TSTD2: variants seen among roughly 807,000 people sequenced by gnomAD.
TSTD2 encodes the protein thiosulfate sulfurtransferase/rhodanese-like domain-containing protein 2.
In TSTD2, 37 loss-of-function variants were observed where a neutral mutation model predicts 47.9. That is an observed-to-expected ratio of 0.77 (90% CI 0.59 to 1.02). The LOEUF (loss-of-function observed/expected upper bound fraction) is 1.02, where lower values mean the gene tolerates loss of function less well. Among genes scored for constraint, TSTD2 ranks in the 50% least tolerant of loss-of-function variants. The pLI, the probability that TSTD2 is intolerant of heterozygous loss-of-function variation, is 0.00. For synonymous variants in TSTD2, 201 were observed against 215.9 expected (o/e 0.93, Z 0.61); for missense variants, 586 against 616.0 (o/e 0.95, Z 0.52).
intron 3 of TSTD2, among the ~76,000 whole-genome samples, chr9:97,618,752 C>T (rs2805777): frequency 0.57 from 85,896 of 152,012 alleles, 25,438 homozygotes; most frequent in Middle Eastern, 0.68. Flanking sequence ...CTACAGTACA[C>T]GACAATTAAG....
intron 4 of TSTD2, among the ~76,000 whole-genome samples, chr9:97,613,265 C>T (rs1027117810): frequency 6.6e-6 from 1 of 152,186 alleles, no homozygotes; most frequent in African/African-American, 2.4e-5. Flanking sequence ...GCATGTATCT[C>T]TGCATGGTGT....
At chr9:97,618,522 T>C (rs912066000) in intron 3 of TSTD2, among the ~76,000 whole-genome samples, 3 of 152,218 alleles carry the variant, frequency 2.0e-5, no homozygotes, top group Non-Finnish European at 4.4e-5. Context: ...TTTTCCAAAG[T>C]ATGTTATGAA....
At chr9:97,602,986 C>A in intron 9 of TSTD2, 1 of 474,188 alleles carries the variant, frequency 2.1e-6, no homozygotes. Context: ...TGTCTGCTTC[C>A]AGTATTTACT....
chr9:97,612,365 A>G (rs1294698658), intron 4 of TSTD2, among the ~76,000 whole-genome samples: 1 of 152,194 alleles, frequency 6.6e-6, no homozygotes, highest in Non-Finnish European at 1.5e-5. Context: ...CATACCCAGT[A>G]ATGGGATTGC....
intron 1 of TSTD2, among the ~76,000 whole-genome samples, chr9:97,630,482 TAAACAAAC>T (rs140932255): frequency 1.0e-4 from 13 of 126,544 alleles, no homozygotes; most frequent in South Asian, 2.1e-4. Flanking sequence ...AAGTAAGTAA[TAAACAAAC>T]AAACAAACAA....
At chr9:97,620,592 G>A (rs541190193) in intron 3 of TSTD2, among the ~76,000 whole-genome samples, 2 of 152,294 alleles carry the variant, frequency 1.3e-5, no homozygotes, top group East Asian at 3.9e-4. Flanking sequence ...CTTGTTGAAT[G>A]GCTTTGACCA....
chr9:97,627,401 T>G lies in TSTD2; in HGVS notation c.162A>C (p.Lys54Asn). 6.3e-7 allele frequency: 1 copy of G among 1,596,336 alleles called. No individual in the cohort carries two copies. Among genetic ancestry groups the G allele is most frequent in the South Asian group, 1.1e-5 (1 of 89,240 alleles). Reference protein sequence around the residue: ...STKKKYSFAKKKAFALFVKTK... With the variant: ...STKKKYSFAKNKAFALFVKTK... ...GAAACATTCATAAGAATTCTACCTT[T>G]TTCTTTGCAAACGAGTATTTCTTTT... Residue 54 changes from lysine (K) to asparagine (N), a missense_variant, in exon 2 of 10, where the codon AAA becomes AAC. Coordinates refer to ENST00000341170, the MANE Select transcript of TSTD2 (RefSeq NM_139246.5).
At chr9:97,624,716 G>A (rs1826692742) in intron 3 of TSTD2, among the ~76,000 whole-genome samples, 1 of 151,554 alleles carries the variant, frequency 6.6e-6, no homozygotes, top group African/African-American at 2.4e-5. Flanking sequence ...TTAAAGAAGA[G>A]TCTAATGCAG....
At position 97,610,409 on chromosome 9, in the gene TSTD2, C is replaced by T; in HGVS notation, c.772G>A (p.Gly258Ser). 1 of 1,593,176 alleles carries T rather than the reference C, an allele frequency of 6.3e-7. No individual in the cohort carries two copies. Among genetic ancestry groups the T allele is most frequent in the Non-Finnish European group, 8.5e-7 (1 of 1,171,468 alleles). Residue 258 changes from glycine to serine, a missense_variant, in exon 6 of 10, where the codon GGT (glycine) becomes AGT (serine). Physicochemically the swap from Gly to Ser is moderately conservative, Grantham distance 56. Coordinates refer to ENST00000341170, the MANE Select transcript of TSTD2 (RefSeq NM_139246.5). ...ATGGGCACGATTTCTTCAAATACAC[C>T]AACACGCAATTCTGGAAAACAGTGA... ...GAHCFPELRV[G>S]VFEEIVPMGI...
At chr9:97,615,860 ATTAT>A (rs933859351) in intron 4 of TSTD2, among the ~76,000 whole-genome samples, 2 of 152,132 alleles carry the variant, frequency 1.3e-5, no homozygotes, top group African/African-American at 4.8e-5. Context: ...AGTATTAAAT[ATTAT>A]TTATTTATTT....
intron 8 of TSTD2, among the ~76,000 whole-genome samples, chr9:97,605,099 G>A (rs1564005742): frequency 6.6e-6 from 1 of 152,120 alleles, no homozygotes; most frequent in African/African-American, 2.4e-5. Flanking sequence ...AGCAGGCAGG[G>A]CCTTCACCCT....
chr9:97,613,408 A>C (rs979639956), intron 4 of TSTD2, among the ~76,000 whole-genome samples: 1 of 152,206 alleles, frequency 6.6e-6, no homozygotes, highest in Non-Finnish European at 1.5e-5. Flanking sequence ...CGATTTGTTG[A>C]ATAAATGAAT....
chr9:97,619,733 C>T (rs1826600691), intron 3 of TSTD2, among the ~76,000 whole-genome samples: 3 of 152,094 alleles, frequency 2.0e-5, no homozygotes, highest in Non-Finnish European at 4.4e-5. Flanking sequence ...TGTTCATTGA[C>T]TGTTTACATT....
At chr9:97,619,605 T>G (rs914036445) in intron 3 of TSTD2, among the ~76,000 whole-genome samples, 15 of 152,104 alleles carry the variant, frequency 9.9e-5, no homozygotes, top group African/African-American at 3.6e-4. Flanking sequence ...CCCTCCACAA[T>G]GCTGGGATTA....
chr9:97,628,368 T>C (rs1213896216), intron 1 of TSTD2, among the ~76,000 whole-genome samples: 1 of 152,184 alleles, frequency 6.6e-6, no homozygotes, highest in Non-Finnish European at 1.5e-5. Context: ...TGGTTTGTGC[T>C]GCAGCAGTTT....
In TSTD2 at chr9:97,625,729, G is replaced by C. The variant is rs753122896; in HGVS notation, c.434C>G (p.Ser145Cys). 6.2e-7 allele frequency: 1 copy of C among 1,614,108 alleles called. No individual in the cohort carries two copies. The highest frequency in any genetic ancestry group is 8.5e-7 in the Non-Finnish European group (1 of 1,179,950). Reference protein sequence around the residue: ...KECLPHSHDVSAWLPDISCFN... With the variant: ...KECLPHSHDVCAWLPDISCFN... The stretch of plus-strand genomic sequence containing the variant: ...GCAGCTTATATCAGGGAGCCAAGCA[G>C]ACACGTCATGGCTATGTGGAAGGCA... Residue 145 changes from serine (S) to cysteine (C), a missense_variant, in exon 3 of 10, where the codon TCT becomes TGT. Coordinates refer to ENST00000341170, the MANE Select transcript of TSTD2 (RefSeq NM_139246.5).
intron 8 of TSTD2, 74 bp downstream of exon 8, chr9:97,605,409 C>T: frequency 6.3e-7 from 1 of 1,581,912 alleles, no homozygotes. Context: ...GGGCAGCGGA[C>T]AGCTCCACGT....
chr9:97,633,308 G>A lies in TSTD2; in HGVS notation c.-116C>T. 1 of 304,918 alleles carries A rather than the reference G, an allele frequency of 3.3e-6. No individual in the cohort carries two copies. The highest frequency in any genetic ancestry group is 6.0e-6 in the Non-Finnish European group (1 of 166,764). The allele number at this position is 304,918 out of a possible 1,614,324, so 18.9% of individuals were successfully genotyped here. On this transcript the variant is annotated 5_prime_UTR_variant, in exon 1 of 10. Coordinates refer to ENST00000341170, the MANE Select transcript of TSTD2 (RefSeq NM_139246.5). ...CTGTCTCCGCCTAGCAATTGTCACT[G>A]CTCACCGCCCTCGAGCCTATTCCCC...
At chr9:97,623,904 T>A (rs2805774) in intron 3 of TSTD2, among the ~76,000 whole-genome samples, 28,038 of 152,008 alleles carry the variant, frequency 0.18, 2,728 homozygotes, top group African/African-American at 0.22. Flanking sequence ...TGACTGGGTA[T>A]ATGCTGCTGC....
Sources: gnomAD v4.1 joint callset for allele counts (sites outside exome capture counted in the v4.1 genomes callset) on GRCh38, gnomAD v4.1.1 for gene constraint, MANE v1.5 for transcripts, NCBI Gene and HGNC (gene_info 2026-07-23, HGNC 2026-07-21) for gene names.